Variants in LITAF observed in about 807,000 individuals in gnomAD.
LITAF encodes the protein lipopolysaccharide induced TNF factor, also known as lipopolysaccharide-induced tumor necrosis factor-alpha factor.
Under a neutral mutation model 14.5 loss-of-function variants are expected in LITAF, and 9 were observed. That is an observed-to-expected ratio of 0.62 (90% CI 0.37 to 1.08). The LOEUF is 1.08. Ranked by LOEUF, LITAF falls within the 50% of genes least tolerant of loss-of-function variation. The pLI is 0.01. For synonymous variants in LITAF, 98 were observed against 88.2 expected, an observed-to-expected ratio of 1.11 and a Z score of -0.62; for missense variants, 206 against 213.4, an observed-to-expected ratio of 0.97 and a Z score of 0.22.
chr16:11,589,140 T>C (rs1283421045), upstream of LITAF, among the ~76,000 whole-genome samples: 4 of 152,062 alleles, frequency 2.6e-5, no homozygotes, highest in South Asian at 2.1e-4. Context: ...ACCACAGAGA[T>C]TGAATTTCCA....
intron 3 of LITAF, among the ~76,000 whole-genome samples, chr16:11,629,692 T>G (rs552863671): frequency 4.6e-5 from 7 of 152,184 alleles, no homozygotes; most frequent in Admixed American, 2.6e-4. Flanking sequence ...GTGGGAAGAA[T>G]TAAACAGACA....
chr16:11,611,929 T>C (rs1471713871), intron 3 of LITAF, among the ~76,000 whole-genome samples: 2 of 152,158 alleles, frequency 1.3e-5, no homozygotes. Context: ...CCTCCCAAAG[T>C]GCTGGGATGA....
intron 1 of LITAF, among the ~76,000 whole-genome samples, chr16:11,572,236 G>A (rs1472919840): frequency 6.6e-6 from 1 of 151,716 alleles, no homozygotes; most frequent in African/African-American, 2.4e-5. Flanking sequence ...TTCCCTTCCT[G>A]CTCCCCAGGT....
intron 3 of LITAF, among the ~76,000 whole-genome samples, chr16:11,550,488 C>A (rs183554640): frequency 4.6e-5 from 7 of 152,104 alleles, no homozygotes; most frequent in Non-Finnish European, 8.8e-5. Context: ...GTGATGACAC[C>A]CCTAGGAAAT....
intron 3 of LITAF, among the ~76,000 whole-genome samples, chr16:11,631,034 A>G (rs1481625917): frequency 6.6e-6 from 1 of 152,198 alleles, no homozygotes; most frequent in Non-Finnish European, 1.5e-5. Flanking sequence ...CCCTGTTTAC[A>G]TTTGCAGAAA....
intron 3 of LITAF, among the ~76,000 whole-genome samples, chr16:11,629,857 G>A (rs546654599): frequency 3.9e-5 from 6 of 152,264 alleles, no homozygotes; most frequent in Non-Finnish European, 5.9e-5. Context: ...TGTGGTAGGC[G>A]CTCTTCCCCC....
chr16:11,612,644 C>A (rs1023569167), intron 3 of LITAF, among the ~76,000 whole-genome samples: 1 of 152,202 alleles, frequency 6.6e-6, no homozygotes, highest in Non-Finnish European at 1.5e-5. Flanking sequence ...CTCGCAGAGA[C>A]AGCAGACCTT....
At chr16:11,595,186 C>G (rs561894646) in intron 1 of LITAF, among the ~76,000 whole-genome samples, 1 of 152,148 alleles carries the variant, frequency 6.6e-6, no homozygotes, top group Admixed American at 6.5e-5. Context: ...ATACATCACA[C>G]GCTTTATCCT....
At chr16:11,591,457 T>G (rs766568518), upstream of LITAF, among the ~76,000 whole-genome samples, 24 of 151,812 alleles carry the variant, frequency 1.6e-4, 4 homozygotes, top group Admixed American at 2.6e-4. Flanking sequence ...AGTGCTGGGA[T>G]TACAGGTATG....
At chr16:11,552,087 T>A (rs921108137) in intron 3 of LITAF, among the ~76,000 whole-genome samples, 1 of 152,150 alleles carries the variant, frequency 6.6e-6, no homozygotes, top group Admixed American at 6.5e-5. Context: ...CTGAGCCTCT[T>A]ATTGAAGTTA....
upstream of LITAF, among the ~76,000 whole-genome samples, chr16:11,599,563 G>A (rs920547820): frequency 2.8e-4 from 43 of 152,250 alleles, no homozygotes; most frequent in Admixed American, 9.8e-4. Flanking sequence ...TTCGTGATAA[G>A]AAAATGGTCC....
intron 3 of LITAF, among the ~76,000 whole-genome samples, chr16:11,615,391 G>C (rs1485288880): frequency 1.3e-5 from 2 of 152,168 alleles, no homozygotes; most frequent in Non-Finnish European, 2.9e-5. Flanking sequence ...ACAAAAATTA[G>C]CCTGGCATGG....
chr16:11,627,528 CCTGA>C (rs1207339640), intron 3 of LITAF, among the ~76,000 whole-genome samples: 2 of 152,346 alleles, frequency 1.3e-5, no homozygotes, highest in African/African-American at 4.8e-5. Flanking sequence ...TGCTATTCAT[CCTGA>C]CTAATGTATT....
At chr16:11,594,733 G>C (rs1047632068) in intron 1 of LITAF, among the ~76,000 whole-genome samples, 7 of 151,686 alleles carry the variant, frequency 4.6e-5, no homozygotes, top group Non-Finnish European at 7.4e-5. Flanking sequence ...AAAATTAGCC[G>C]GGCATGGTGG....
Position 11,578,485 on chromosome 16 carries a change from C to T in LITAF, c.-6+8401G>A, listed in dbSNP as rs560142876. On this transcript the variant is annotated intron_variant, in intron 1 of 3. Coordinates refer to ENST00000622633, the MANE Select transcript of LITAF (RefSeq NM_001136472.2). ...GGCAGAGGTTGCAGCGAGCCAAGAT[C>T]GCACCATTGCACTGTAGCCTGGGCA... Among the ~76,000 whole-genome samples, 3 of 152,218 alleles carry T rather than the reference C, an allele frequency of 2.0e-5. 1 individual carries two copies. Among genetic ancestry groups the T allele is most frequent in the Middle Eastern group, 6.8e-3 (2 of 294 alleles).
intron 3 of LITAF, among the ~76,000 whole-genome samples, chr16:11,611,922 C>A (rs1183327400): frequency 1.3e-5 from 2 of 152,188 alleles, no homozygotes; most frequent in Admixed American, 1.3e-4. Context: ...ACCTCGGCCT[C>A]CCAAAGTGCT....
rs144065296 is a variant in LITAF at position 11,567,996 on chromosome 16, C to T, written c.-5-11261G>A. Among the ~76,000 whole-genome samples the T allele has an allele frequency of 3.0e-3, 446 of 147,884 alleles. 3 individuals are homozygous for T. Among genetic ancestry groups the T allele is most frequent in the African/African-American group, 0.011 (428 of 40,026 alleles). ...GAGACTCTGTCTCAAAAAATAAAGA[C>T]GGTAGTTCCAGCAGGGCACAGTGAC... On this transcript the variant is annotated intron_variant, in intron 1 of 3. Transcript: ENST00000622633.
chr16:11,637,618 A>C (rs1481117104), upstream of LITAF, among the ~76,000 whole-genome samples: 1 of 152,202 alleles, frequency 6.6e-6, no homozygotes, highest in Non-Finnish European at 1.5e-5. Context: ...CATAGGCTGC[A>C]CGCAGCGGCT....
chr16:11,624,421 G>A (rs1226079511), intron 3 of LITAF, among the ~76,000 whole-genome samples: 1 of 152,140 alleles, frequency 6.6e-6, no homozygotes, highest in African/African-American at 2.4e-5. Context: ...GCCCCTCCCT[G>A]GAGTCTGAGA....
Sources: gnomAD v4.1 joint callset for allele counts (sites outside exome capture counted in the v4.1 genomes callset) on GRCh38, gnomAD v4.1.1 for gene constraint, MANE v1.5 for transcripts, NCBI Gene and HGNC (gene_info 2026-07-23, HGNC 2026-07-21) for gene names.